The following SYNJ2 variants were observed in gnomAD, a reference collection of about 807,000 sequenced individuals.
SYNJ2 encodes the protein polyphosphatidylinositol phosphatase SYNJ2.
A neutral mutation model predicts 141.3 loss-of-function variants in SYNJ2; 116 were observed. The ratio of observed to expected loss-of-function variants is 0.82; its 90% confidence interval spans 0.71 to 0.96. SYNJ2 has a LOEUF of 0.96. Among genes scored for constraint, SYNJ2 ranks in the 40% least tolerant of loss-of-function variants. The pLI, the probability that SYNJ2 is intolerant of heterozygous loss-of-function variation, is 0.00. For missense variants in SYNJ2, 1,873 were observed against 1,934.8 expected, an observed-to-expected ratio of 0.97 and a Z score of 0.60; for synonymous variants, 745 against 777.7, an observed-to-expected ratio of 0.96 and a Z score of 0.70.
Position 157,982,037 on chromosome 6 carries a change from CG to C in SYNJ2, c.77del (p.Arg26ProfsTer42). Reference protein sequence around the residue: ...EGDCSVLLEARGRDDCLLFEA... With the variant: ...EGDCSVLLEAXGRDDCLLFEA... ...GGACTGTAGCGTGCTGCTGGAGGCG[CG>C]CGGCCGCGACGACTGCCTGCTGTTC... On this transcript the variant is annotated frameshift_variant, in exon 1 of 27. Transcript: ENST00000355585. LOFTEE classifies it high-confidence loss of function. The surrounding 1 kb of genome is among the most constrained non-coding windows in gnomAD (Gnocchi z 4.0). 7.5e-7 allele frequency: 1 copy of C among 1,333,780 alleles called. No individual in the cohort carries two copies. The highest frequency in any genetic ancestry group is 9.6e-7 in the Non-Finnish European group (1 of 1,045,350). The allele number at this position is 1,333,780 out of a possible 1,614,324, so 82.6% of individuals were successfully genotyped here.
intron 4 of SYNJ2, among the ~76,000 whole-genome samples, chr6:158,037,255 C>A (rs1467357099): frequency 6.6e-6 from 1 of 151,180 alleles, no homozygotes; most frequent in Non-Finnish European, 1.5e-5. Context: ...GCCCACCTGA[C>A]CGCCCCGGCT....
chr6:157,993,482 G>T (rs1777525474), intron 1 of SYNJ2, among the ~76,000 whole-genome samples: 1 of 152,042 alleles, frequency 6.6e-6, no homozygotes, highest in Admixed American at 6.6e-5. Context: ...CATTCTGTGG[G>T]CTGTCTCTTC....
intron 18 of SYNJ2, chr6:158,079,095 C>T (rs1325976598): frequency 6.6e-6 from 1 of 152,220 alleles, no homozygotes; most frequent in African/African-American, 2.4e-5. Flanking sequence ...GCACCTGGCC[C>T]TAGGATGCAG....
intron 7 of SYNJ2, among the ~76,000 whole-genome samples, chr6:158,060,387 A>G (rs1781144887): frequency 6.6e-6 from 1 of 152,180 alleles, no homozygotes; most frequent in Non-Finnish European, 1.5e-5. Flanking sequence ...GAATGAGCCA[A>G]GGGGGCTCCT....
intron 23 of SYNJ2, among the ~76,000 whole-genome samples, chr6:158,087,202 C>A (rs1240893678): frequency 6.6e-6 from 1 of 152,206 alleles, no homozygotes; most frequent in East Asian, 1.9e-4. Context: ...CAGCTCCTTT[C>A]CAAAGCTGCT....
chr6:158,003,950 A>G (rs1215684598), intron 1 of SYNJ2, among the ~76,000 whole-genome samples: 1 of 152,222 alleles, frequency 6.6e-6, no homozygotes, highest in African/African-American at 2.4e-5. Flanking sequence ...GGAGTTCCCC[A>G]GCCTCCTCCA....
At chr6:158,035,967 G>GA (rs71777302) in intron 4 of SYNJ2, among the ~76,000 whole-genome samples, 3,263 of 116,568 alleles carry the variant, frequency 0.028, 75 homozygotes, top group African/African-American at 0.072. Context: ...AAATTTCCAA[G>GA]AAAAAAAAAA....
At chr6:158,067,361 C>G in intron 12 of SYNJ2, 1 of 911,124 alleles carries the variant, frequency 1.1e-6, no homozygotes, top group Non-Finnish European at 1.3e-6. Flanking sequence ...CTCATCCCTG[C>G]CTCTCCCCAA....
At chr6:158,010,802 C>T (rs1001414816) in intron 1 of SYNJ2, among the ~76,000 whole-genome samples, 5 of 151,024 alleles carry the variant, frequency 3.3e-5, no homozygotes, top group African/African-American at 7.3e-5. Context: ...AGGATGGCCA[C>T]GTGATGATGG....
intron 2 of SYNJ2, chr6:158,017,718 C>G: frequency 1.9e-6 from 1 of 528,638 alleles, no homozygotes; most frequent in Non-Finnish European, 3.9e-6. Context: ...CCTGGCCGAC[C>G]TCTCTTCTCT....
At chr6:158,042,507 G>A (rs534632007) in intron 4 of SYNJ2, among the ~76,000 whole-genome samples, 2 of 152,380 alleles carry the variant, frequency 1.3e-5, no homozygotes, top group African/African-American at 4.8e-5. Flanking sequence ...GAGTTGCGCA[G>A]ATAAAGGCCC....
chr6:158,096,275 G>C lies in SYNJ2; in HGVS notation c.4402G>C (p.Glu1468Gln). ...CAAGGCAGAGCTGCCACCAGATCATGAACACAAAACCTTAGGTCACTGGGT... is the reference window on the plus strand; with the variant it reads ...CAAGGCAGAGCTGCCACCAGATCATCAACACAAAACCTTAGGTCACTGGGT... ...AAKAELPPDH[E>Q]HKTLGHWVTI... Residue 1468 changes from glutamate to glutamine, a missense_variant, in exon 27 of 27, where the codon GAA (glutamate) becomes CAA (glutamine). Glu to Gln is a conservative substitution (Grantham distance 29, BLOSUM62 2). Transcript: ENST00000355585. 4.3e-6 allele frequency: 7 copies of C among 1,614,198 alleles called. No homozygotes were observed. The highest frequency in any genetic ancestry group is 5.9e-6 in the Non-Finnish European group (7 of 1,180,036).
chr6:158,017,464 C>G (rs1039422388), intron 2 of SYNJ2, 174 bp downstream of exon 2: 83 of 913,952 alleles, frequency 9.1e-5, no homozygotes, highest in Non-Finnish European at 1.2e-4. Context: ...GCCCAGGCTG[C>G]AGTGCAATGG....
At position 158,071,920 on chromosome 6, in the gene SYNJ2, T is replaced by TG; in HGVS notation, c.2133+131dup. On this transcript the variant is annotated intron_variant, in intron 15 of 26. Transcript: ENST00000355585. This position sits in a 1 kb window ranked among gnomAD's most constrained non-coding sequence, Gnocchi z 4.3. ...GGCCCCTTCCTGGAGGGCTCAGCGC[T>TG]GGGGGAGGGGGAGAGGGCTATGTCC... The TG allele has an allele frequency of 1.8e-6, 2 of 1,141,470 alleles. No homozygotes were observed. Among genetic ancestry groups the TG allele is most frequent in the South Asian group, 1.6e-5 (1 of 63,414 alleles). The allele number at this position is 1,141,470 out of a possible 1,614,324, so 70.7% of individuals were successfully genotyped here. A position where few individuals can be genotyped will look rare whatever the true frequency, so the allele number is the denominator to read the frequency against.
intron 1 of SYNJ2, among the ~76,000 whole-genome samples, chr6:158,005,971 G>T (rs1310121766): frequency 2.6e-5 from 4 of 152,168 alleles, no homozygotes; most frequent in African/African-American, 9.7e-5. Context: ...CTGCTCCAGG[G>T]CATGGCTTTC....
At chr6:158,004,449 T>C (rs1310969260) in intron 1 of SYNJ2, among the ~76,000 whole-genome samples, 4 of 152,198 alleles carry the variant, frequency 2.6e-5, no homozygotes, top group Non-Finnish European at 5.9e-5. Flanking sequence ...ACCAGCACCA[T>C]GACAGTTTAC....
intron 18 of SYNJ2, 30 bp from the exon 19 acceptor site, chr6:158,081,075 GCTAA>G (rs768313327): frequency 8.1e-6 from 13 of 1,604,666 alleles, no homozygotes; most frequent in East Asian, 2.2e-5. Context: ...TCTGTCCCAG[GCTAA>G]CTGTCATCCC....
At chr6:158,016,538 G>T (rs373601270) in intron 1 of SYNJ2, among the ~76,000 whole-genome samples, 1 of 152,144 alleles carries the variant, frequency 6.6e-6, no homozygotes, top group Admixed American at 6.5e-5. Flanking sequence ...CTGAGAAGGG[G>T]TCTAAAGGCC....
Position 158,074,583 on chromosome 6 carries a change from A to G in SYNJ2, c.2137A>G (p.Arg713Gly), listed in dbSNP as rs2128379622. 1 of 1,611,174 alleles carries G rather than the reference A, an allele frequency of 6.2e-7. No individual in the cohort carries two copies. The highest frequency in any genetic ancestry group is 8.5e-7 in the Non-Finnish European group (1 of 1,178,898). ...ITQKLCFPMG[R>G]NVFSHDYVFW... Reference sequence around the variant, plus strand: ...TATGATTTTCTTTTCAACTTAGGGGAGAAATGTTTTTTCTCATGATTATGT... The same window carrying G: ...TATGATTTTCTTTTCAACTTAGGGGGGAAATGTTTTTTCTCATGATTATGT... The change falls in exon 16 of 27, where the codon AGA becomes GGA. Residue 713 changes from arginine (R) to glycine (G), a missense_variant. Coordinates refer to ENST00000355585, the MANE Select transcript of SYNJ2 (RefSeq NM_003898.4).
Sources: gnomAD v4.1 joint callset for allele counts (sites outside exome capture counted in the v4.1 genomes callset) on GRCh38, gnomAD v4.1.1 for gene constraint, Gnocchi (gnomAD v3.1) non-coding constraint, MANE v1.5 for transcripts, NCBI Gene and HGNC (gene_info 2026-07-23, HGNC 2026-07-21) for gene names.